The following CPA6 variants were observed in gnomAD, a reference collection of about 807,000 sequenced individuals.
CPA6 encodes carboxypeptidase B.
Under a neutral mutation model 63.3 loss-of-function variants are expected in CPA6, and 58 were observed. The observed-to-expected ratio is 0.92, with a 90% CI of 0.74 to 1.14. The LOEUF (loss-of-function observed/expected upper bound fraction) is 1.14. Ranked by LOEUF, CPA6 falls within the 50% of genes most tolerant of loss-of-function variation. The pLI is 0.00. For synonymous variants in CPA6, 185 were observed against 179.0 expected (o/e 1.03, Z -0.27); for missense variants, 565 against 526.6 (o/e 1.07, Z -0.71).
At chr8:67,734,100 A>T (rs1230979266) in intron 1 of CPA6, among the ~76,000 whole-genome samples, 1 of 150,352 alleles carries the variant, frequency 6.7e-6, no homozygotes, top group African/African-American at 2.4e-5. Flanking sequence ...TGGGTCTCCA[A>T]CTCCTGGGCT....
At position 67,674,059 on chromosome 8, in the gene CPA6, A is replaced by G. The variant is rs111811763; in HGVS notation, c.117-49808T>C. On this transcript the variant is annotated intron_variant, in intron 1 of 10. Coordinates refer to ENST00000297770, the MANE Select transcript of CPA6 (RefSeq NM_020361.5). The stretch of plus-strand genomic sequence containing the variant: ...CGTGTTACCATCATAGAACAATCCT[A>G]TGATGCTGGAACTATTCTCTCCATT... Among the ~76,000 whole-genome samples the G allele has an allele frequency of 5.0e-3, 768 of 152,312 alleles. 3 individuals carry two copies. Among genetic ancestry groups the G allele is most frequent in the Non-Finnish European group, 7.9e-3 (537 of 68,024 alleles).
At chr8:67,631,090 C>A (rs1384435661) in intron 1 of CPA6, among the ~76,000 whole-genome samples, 1 of 152,242 alleles carries the variant, frequency 6.6e-6, no homozygotes, top group Non-Finnish European at 1.5e-5. Flanking sequence ...CACCCAAGGG[C>A]TGAGGAGTGC....
At chr8:67,443,603 T>G (rs2128954272) in intron 8 of CPA6, among the ~76,000 whole-genome samples, 1 of 152,346 alleles carries the variant, frequency 6.6e-6, no homozygotes, top group Non-Finnish European at 1.5e-5. Flanking sequence ...TATCTAATTT[T>G]ATAACATTCA....
chr8:67,631,840 G>C (rs992725894), intron 1 of CPA6, among the ~76,000 whole-genome samples: 2 of 151,612 alleles, frequency 1.3e-5, no homozygotes, highest in African/African-American at 4.9e-5. Flanking sequence ...AACTCCAGAC[G>C]TGCCACCTTA....
chr8:67,542,065 G>T (rs186567820), intron 2 of CPA6, among the ~76,000 whole-genome samples: 1 of 152,220 alleles, frequency 6.6e-6, no homozygotes, highest in African/African-American at 2.4e-5. Flanking sequence ...GAGAGCACCA[G>T]ACTCATTTGG....
intron 1 of CPA6, among the ~76,000 whole-genome samples, chr8:67,663,294 C>T (rs1249482489): frequency 1.3e-5 from 2 of 152,138 alleles, no homozygotes; most frequent in African/African-American, 2.4e-5. Flanking sequence ...GTTCTTTTAG[C>T]CTGTTAGCCA....
intron 9 of CPA6, among the ~76,000 whole-genome samples, chr8:67,428,556 T>C (rs1421305432): frequency 6.6e-6 from 1 of 152,200 alleles, no homozygotes. Flanking sequence ...CGATCTCTGC[T>C]CACTGCAACC....
chr8:67,495,743 A>C (rs776669882), intron 6 of CPA6, among the ~76,000 whole-genome samples: 1 of 152,036 alleles, frequency 6.6e-6, no homozygotes, highest in African/African-American at 2.4e-5. Flanking sequence ...GCTGGAGTGC[A>C]GAGGTGTGAT....
At chr8:67,657,748 T>C (rs1816019706) in intron 1 of CPA6, among the ~76,000 whole-genome samples, 5 of 152,226 alleles carry the variant, frequency 3.3e-5, no homozygotes, top group African/African-American at 1.2e-4. Context: ...CTCTTTCTCC[T>C]GTCTTTCTGT....
chr8:67,689,226 A>G (rs1013155564), intron 1 of CPA6, among the ~76,000 whole-genome samples: 2 of 152,072 alleles, frequency 1.3e-5, no homozygotes, highest in African/African-American at 4.8e-5. Flanking sequence ...AGACATGTAC[A>G]TATTAGCATA....
At chr8:67,642,430 A>G (rs1815614170) in intron 1 of CPA6, among the ~76,000 whole-genome samples, 1 of 152,224 alleles carries the variant, frequency 6.6e-6, no homozygotes, top group African/African-American at 2.4e-5. Context: ...CCTCAAATTT[A>G]TCTATAGATT....
At chr8:67,641,968 T>TA (rs1205082773) in intron 1 of CPA6, among the ~76,000 whole-genome samples, 1 of 152,144 alleles carries the variant, frequency 6.6e-6, no homozygotes, top group Non-Finnish European at 1.5e-5. Context: ...GTAAGGTACC[T>TA]AGCAATTCAT....
chr8:67,475,809 CTTTCTTTCCTTTCTTTTCTTT>C (rs1563967483), intron 8 of CPA6, among the ~76,000 whole-genome samples: 28 of 48,102 alleles, frequency 5.8e-4, no homozygotes, highest in Admixed American at 2.1e-3. Context: ...TTCTTTCTTT[CTTTCTTTCCTTTCTTTTCTTT>C]CTTTCTTTCT....
chr8:67,551,554 GA>G (rs1812939189), intron 2 of CPA6, among the ~76,000 whole-genome samples: 1 of 152,162 alleles, frequency 6.6e-6, no homozygotes, highest in Non-Finnish European at 1.5e-5. Context: ...CTAGTTCTGT[GA>G]AAAATGACGT....
In CPA6 at chr8:67,484,778, T is replaced by C. The variant is rs981159000; in HGVS notation, c.648A>G (p.Thr216=). 1.1e-5 allele frequency: 18 copies of C among 1,582,020 alleles called. No homozygotes were observed. Among genetic ancestry groups the C allele is most frequent in the Non-Finnish European group, 1.5e-5 (17 of 1,153,722 alleles). The stretch of plus-strand genomic sequence containing the variant: ...TTCTCATGGCTGGGTCACTCTTATA[T>C]GTTAGAAGAGCCTAAAAGACAAAGG... ...CQWFVKEALL[T]YKSDPAMRKM... Residue 216 remains threonine (T), a synonymous_variant, in exon 7 of 11, where the codon ACA becomes ACG. Coordinates refer to ENST00000297770, the MANE Select transcript of CPA6 (RefSeq NM_020361.5).
intron 8 of CPA6, among the ~76,000 whole-genome samples, chr8:67,446,522 A>C (rs1171451588): frequency 1.3e-5 from 2 of 152,146 alleles, no homozygotes; most frequent in African/African-American, 4.8e-5. Flanking sequence ...ATATTTTTTA[A>C]AAATTTAAAA....
chr8:67,642,629 T>G (rs538961688), intron 1 of CPA6, among the ~76,000 whole-genome samples: 19 of 152,282 alleles, frequency 1.2e-4, no homozygotes, highest in Non-Finnish European at 2.4e-4. Context: ...GGAACTGGCA[T>G]GAGGGTAGTC....
At chr8:67,558,572 C>T (rs555620855) in intron 2 of CPA6, among the ~76,000 whole-genome samples, 5 of 152,172 alleles carry the variant, frequency 3.3e-5, no homozygotes, top group Non-Finnish European at 7.3e-5. Context: ...TTCTATTGTT[C>T]TAAGCCTACT....
intron 1 of CPA6, among the ~76,000 whole-genome samples, chr8:67,700,123 C>T (rs1204422104): frequency 2.6e-5 from 4 of 152,128 alleles, no homozygotes; most frequent in Non-Finnish European, 4.4e-5. Flanking sequence ...TAAGCAACAT[C>T]GTTTTAGTCT....
Sources: gnomAD v4.1 joint callset for allele counts (sites outside exome capture counted in the v4.1 genomes callset) on GRCh38, gnomAD v4.1.1 for gene constraint, MANE v1.5 for transcripts, NCBI Gene and HGNC (gene_info 2026-07-23, HGNC 2026-07-21) for gene names.